The following PHLPP2 variants were observed in gnomAD, a reference collection of about 807,000 sequenced individuals.
PHLPP2 encodes the protein PH domain and leucine rich repeat protein phosphatase 2.
PHLPP2 carries 66 observed loss-of-function variants against 124.9 expected under a neutral mutation model. The ratio of observed to expected loss-of-function variants is 0.53; its 90% confidence interval spans 0.43 to 0.65. PHLPP2 has a LOEUF of 0.65. PHLPP2 is among the 30% of genes least tolerant of loss of function. The pLI is 0.00. For synonymous variants in PHLPP2, 681 were observed against 624.7 expected (o/e 1.09, Z -1.34); for missense variants, 1,685 against 1,600.4 (o/e 1.05, Z -0.90).
rs1441376315 is a variant in PHLPP2 at position 71,649,337 on chromosome 16, C to A, written c.3525G>T (p.Arg1175Ser). The A allele has an allele frequency of 1.2e-6, 2 of 1,613,762 alleles. No homozygotes were observed. The highest frequency in any genetic ancestry group is 2.2e-5 in the East Asian group (1 of 44,866). Residue 1175 changes from arginine (R) to serine (S), a missense_variant, in exon 19 of 19, where the codon AGG becomes AGT. Coordinates refer to ENST00000568954, the MANE Select transcript of PHLPP2 (RefSeq NM_015020.3). The stretch of plus-strand genomic sequence containing the variant: ...GGGGTGAGTTCTCCAGATCCCTCCC[C>A]CTGCAGCAGTGGATGTCTACTTCCA... ...VEVEVDIHCCRGRDLENSPPL... is the reference protein window; with the variant it reads ...VEVEVDIHCCSGRDLENSPPL...
intron 5 of PHLPP2, among the ~76,000 whole-genome samples, chr16:71,684,151 G>C (rs2045030662): frequency 7.8e-6 from 1 of 128,322 alleles, no homozygotes; most frequent in Non-Finnish European, 1.6e-5. Flanking sequence ...TTTTGAGATA[G>C]AGTCTTGCTC....
intron 12 of PHLPP2, 30 bp from the exon 13 acceptor site, chr16:71,664,129 C>T (rs2044818107): frequency 1.3e-6 from 2 of 1,486,136 alleles, no homozygotes; most frequent in African/African-American, 1.4e-5. Flanking sequence ...TCATCACCTC[C>T]TTTAAGTTTA....
rs1370390993 is a variant in PHLPP2 at position 71,649,650 on chromosome 16, G to C, written c.3212C>G (p.Ser1071Cys). Residue 1071 changes from serine to cysteine, a missense_variant, in exon 19 of 19, where the codon TCC (serine) becomes TGC (cysteine). Ser to Cys is a moderately radical substitution (Grantham distance 112). Coordinates refer to ENST00000568954, the MANE Select transcript of PHLPP2 (RefSeq NM_015020.3). The stretch of plus-strand genomic sequence containing the variant: ...CTCAGAGGCAATCCCACTGCTAGAG[G>C]ATGGAGTGGCTGGCTTAGGGGCATC... ...IKDAPKPATP[S>C]SSSGIASEFS... 6.2e-7 allele frequency: 1 copy of C among 1,614,232 alleles called. No homozygotes were observed. Among genetic ancestry groups the C allele is most frequent in the African/African-American group, 1.3e-5 (1 of 75,062 alleles).
chr16:71,653,073 G>T, intron 17 of PHLPP2, 52 bp from the exon 18 acceptor site: 21 of 1,081,248 alleles, frequency 1.9e-5, no homozygotes, highest in Non-Finnish European at 2.4e-5. Flanking sequence ...TTAGAAGAAA[G>T]TGGTGGTCCT....
intron 3 of PHLPP2, among the ~76,000 whole-genome samples, chr16:71,701,824 C>T (rs1317499556): frequency 2.0e-5 from 3 of 152,152 alleles, no homozygotes; most frequent in African/African-American, 4.8e-5. Context: ...CAGCATATTG[C>T]TATAATTATA....
At chr16:71,657,206 G>A (rs2044749555) in intron 15 of PHLPP2, among the ~76,000 whole-genome samples, 1 of 151,948 alleles carries the variant, frequency 6.6e-6, no homozygotes. Flanking sequence ...GCCTCCCAAA[G>A]TGCTGGGATT....
intron 3 of PHLPP2, among the ~76,000 whole-genome samples, chr16:71,701,021 A>G (rs541378288): frequency 1.6e-4 from 25 of 152,210 alleles, no homozygotes; most frequent in Admixed American, 7.2e-4. Context: ...AGGGAACTGA[A>G]GCCTCCTACC....
At chr16:71,694,458 C>T (rs1647986705) in intron 3 of PHLPP2, among the ~76,000 whole-genome samples, 1 of 151,808 alleles carries the variant, frequency 6.6e-6, no homozygotes, top group Non-Finnish European at 1.5e-5. Flanking sequence ...AAGACTCCGT[C>T]TCAAAAAATA....
At chr16:71,664,650 G>C (rs535222849) in intron 12 of PHLPP2, among the ~76,000 whole-genome samples, 1 of 152,292 alleles carries the variant, frequency 6.6e-6, no homozygotes, top group East Asian at 1.9e-4. Context: ...TACTCGGGAG[G>C]CTGAGGCAGG....
chr16:71,681,511 A>G (rs2044997624), intron 6 of PHLPP2, among the ~76,000 whole-genome samples: 1 of 152,182 alleles, frequency 6.6e-6, no homozygotes, highest in Non-Finnish European at 1.5e-5. Context: ...CATCGGTGTC[A>G]ATGATTCACA....
In PHLPP2 at chr16:71,649,618, T is replaced by A; in HGVS notation, c.3244A>T (p.Ser1082Cys). 1 of 1,614,200 alleles carries A rather than the reference T, an allele frequency of 6.2e-7. No individual in the cohort carries two copies. Among genetic ancestry groups the A allele is most frequent in the Non-Finnish European group, 8.5e-7 (1 of 1,180,026 alleles). The change falls in exon 19 of 19, where the codon AGT (serine) becomes TGT (cysteine). Residue 1082 changes from serine (S) to cysteine (C), a missense_variant. By Grantham distance (112) the Ser-to-Cys change is moderately radical. Transcript: ENST00000568954. ...SSSGIASEFSSEMSTSEVSSE... is the reference protein window; with the variant it reads ...SSSGIASEFSCEMSTSEVSSE... ...CTCACCTCTGAGGTGGACATCTCAC[T>A]GCTGAACTCAGAGGCAATCCCACTG...
intron 1 of PHLPP2, among the ~76,000 whole-genome samples, chr16:71,720,881 A>T (rs2045394125): frequency 6.6e-6 from 1 of 152,188 alleles, no homozygotes; most frequent in Admixed American, 6.5e-5. Context: ...AGACGAAAAA[A>T]AAAAAAACAA....
At chr16:71,675,875 C>G (rs888290195) in intron 9 of PHLPP2, among the ~76,000 whole-genome samples, 9 of 152,238 alleles carry the variant, frequency 5.9e-5, no homozygotes, top group African/African-American at 2.2e-4. Flanking sequence ...AGGTTTGCCA[C>G]CATGCTGGCT....
intron 18 of PHLPP2, among the ~76,000 whole-genome samples, chr16:71,651,759 T>G (rs1318706443): frequency 6.6e-6 from 1 of 152,158 alleles, no homozygotes; most frequent in Non-Finnish European, 1.5e-5. Context: ...AGTCAACTGA[T>G]CTCTGAAAAT....
rs772207777 is a variant in PHLPP2, at chr16:71,650,011, G to A, written c.2851C>T (p.Arg951Trp). ...TAGAGGTATGTACAGCCCAGCATCCGGGTACAGCAGGTTACCCCATTCACT... is the reference window on the plus strand; with the variant it reads ...TAGAGGTATGTACAGCCCAGCATCCAGGTACAGCAGGTTACCCCATTCACT... ...NKVNGVTCCT[R>W]MLGCTYLYPW... The change falls in exon 19 of 19, where the codon CGG becomes TGG. Residue 951 changes from arginine (R) to tryptophan (W), a missense_variant. Physicochemically the swap from Arg to Trp is moderately radical, Grantham distance 101. Transcript: ENST00000568954. 5.0e-6 allele frequency: 8 copies of A among 1,610,412 alleles called. No individual in the cohort carries two copies. The highest frequency in any genetic ancestry group is 1.7e-5 in the Admixed American group (1 of 59,996).
At chr16:71,660,646 T>G (rs1329647554) in intron 13 of PHLPP2, among the ~76,000 whole-genome samples, 1 of 151,944 alleles carries the variant, frequency 6.6e-6, no homozygotes, top group Non-Finnish European at 1.5e-5. Flanking sequence ...CCTCGTGATC[T>G]GCCCACCTCG....
chr16:71,659,535 G>C (rs947372452), intron 13 of PHLPP2, among the ~76,000 whole-genome samples: 1 of 152,160 alleles, frequency 6.6e-6, no homozygotes, highest in Non-Finnish European at 1.5e-5. Flanking sequence ...ATAGGCATGA[G>C]CCACCGCACC....
In PHLPP2 at chr16:71,659,921, A is replaced by G. The variant is rs965516385; in HGVS notation, c.1986-1106T>C. On this transcript the variant is annotated intron_variant, in intron 13 of 18. Transcript: ENST00000568954. ...CTGAATTTCCTATCAAATGTTTCAT[A>G]TATTTGTTTTACAAAAATTTTATAT... Among the ~76,000 whole-genome samples, 6 of 152,316 alleles carry G rather than the reference A, an allele frequency of 3.9e-5. No homozygotes were observed. The South Asian group carries it at 8.3e-4, about 21-fold the overall frequency.
intron 15 of PHLPP2, among the ~76,000 whole-genome samples, chr16:71,657,839 C>T (rs561826270): frequency 6.5e-4 from 99 of 152,202 alleles, no homozygotes; most frequent in African/African-American, 2.1e-3. Flanking sequence ...GTAGGAGTTT[C>T]AATAAAAAAC....
Sources: gnomAD v4.1 joint callset for allele counts (sites outside exome capture counted in the v4.1 genomes callset) on GRCh38, gnomAD v4.1.1 for gene constraint, MANE v1.5 for transcripts, NCBI Gene and HGNC (gene_info 2026-07-23, HGNC 2026-07-21) for gene names.